The following MLLT10 variants were observed in gnomAD, a reference collection of about 807,000 sequenced individuals.
MLLT10 encodes the protein protein AF-10.
In MLLT10, 30 loss-of-function variants were observed where a neutral mutation model predicts 129.1. The observed-to-expected ratio is 0.23, with a 90% CI of 0.17 to 0.32. The LOEUF is 0.32. Among genes scored for constraint, MLLT10 ranks in the 10% least tolerant of loss-of-function variants. MLLT10 has a pLI of 1.00. For synonymous variants in MLLT10, 490 were observed against 446.4 expected (o/e 1.10, Z -1.23); for missense variants, 1,119 against 1,268.3 (o/e 0.88, Z 1.79).
chr10:21,637,909 T>C (rs2047607663), intron 8 of MLLT10, among the ~76,000 whole-genome samples: 1 of 152,194 alleles, frequency 6.6e-6, no homozygotes, highest in African/African-American at 2.4e-5. Context: ...TAGCCTTTTT[T>C]CACTGGCCTT....
intron 14 of MLLT10, among the ~76,000 whole-genome samples, chr10:21,715,332 A>T (rs2056457409): frequency 6.6e-6 from 1 of 152,226 alleles, no homozygotes; most frequent in Admixed American, 6.5e-5. Context: ...TTTGAAGATG[A>T]AAGTGAACTA....
intron 5 of MLLT10, among the ~76,000 whole-genome samples, chr10:21,604,819 T>C (rs1471755283): frequency 6.6e-6 from 1 of 152,010 alleles, no homozygotes; most frequent in Non-Finnish European, 1.5e-5. Flanking sequence ...TCTAGGTGCA[T>C]TGACACGGCC....
chr10:21,562,635 G>A (rs1588952615), intron 3 of MLLT10, among the ~76,000 whole-genome samples: 1 of 152,082 alleles, frequency 6.6e-6, no homozygotes, highest in East Asian at 1.9e-4. Flanking sequence ...ACCACACCTG[G>A]CGTGGAGATT....
chr10:21,654,869 G>T (rs187789435), intron 9 of MLLT10, among the ~76,000 whole-genome samples: 5 of 152,198 alleles, frequency 3.3e-5, no homozygotes, highest in Non-Finnish European at 5.9e-5. Flanking sequence ...ATGGTTTCTG[G>T]TGAAATTAAG....
intron 8 of MLLT10, chr10:21,624,792 C>A: frequency 1.9e-6 from 2 of 1,066,006 alleles, no homozygotes; most frequent in South Asian, 1.5e-5. Flanking sequence ...CTACATTGTC[C>A]CCTGATTGCC....
chr10:21,735,557 C>T (rs992582898), intron 21 of MLLT10, among the ~76,000 whole-genome samples: 14 of 152,064 alleles, frequency 9.2e-5, no homozygotes, highest in Non-Finnish European at 1.0e-4. Flanking sequence ...GTGATAAATA[C>T]TGAGAAGAAC....
chr10:21,597,716 C>G (rs903191411), intron 5 of MLLT10, among the ~76,000 whole-genome samples: 3 of 152,144 alleles, frequency 2.0e-5, no homozygotes, highest in Admixed American at 6.6e-5. Context: ...AGTCTTTCCC[C>G]GAGTTTCAGA....
intron 5 of MLLT10, among the ~76,000 whole-genome samples, chr10:21,611,620 A>G (rs2044663439): frequency 6.6e-6 from 1 of 152,118 alleles, no homozygotes; most frequent in African/African-American, 2.4e-5. Flanking sequence ...TTTGCAGTTC[A>G]GTCTTCTGTC....
At chr10:21,713,337 C>T (rs1479152969) in intron 13 of MLLT10, among the ~76,000 whole-genome samples, 2 of 152,220 alleles carry the variant, frequency 1.3e-5, no homozygotes, top group African/African-American at 4.8e-5. Context: ...TGTCGGCTTT[C>T]TAGAACAAGG....
At chr10:21,677,833 G>A (rs377541095) in intron 11 of MLLT10, among the ~76,000 whole-genome samples, 1 of 152,298 alleles carries the variant, frequency 6.6e-6, no homozygotes, top group South Asian at 2.1e-4. Context: ...ACCTTTGTAA[G>A]CACCTGTTGT....
chr10:21,652,313 C>T (rs770210853), intron 9 of MLLT10, among the ~76,000 whole-genome samples: 7 of 152,182 alleles, frequency 4.6e-5, no homozygotes, highest in Non-Finnish European at 1.0e-4. Context: ...ATCATTGAGA[C>T]AGAGAATTTT....
At chr10:21,741,023 C>T (rs1589947262) in intron 22 of MLLT10, among the ~76,000 whole-genome samples, 1 of 152,164 alleles carries the variant, frequency 6.6e-6, no homozygotes, top group Non-Finnish European at 1.5e-5. Context: ...TTCAAAGTTG[C>T]AGTGTTTGCT....
chr10:21,670,728 A>T lies in MLLT10; in HGVS notation c.1051+24A>T, dbSNP rs148468435. On this transcript the variant is annotated intron_variant, in intron 10 of 22. Coordinates refer to ENST00000307729, the MANE Select transcript of MLLT10 (RefSeq NM_001195626.3). ...AGGTATTAGTGATGTTTTAGTTAAA[A>T]TACTTGTGTTTAAGATGGTTAATAA... 847 of 1,594,624 alleles carry T rather than the reference A, an allele frequency of 5.3e-4. 2 individuals carry two copies. The African/African-American group carries it at 0.01, about 19-fold the overall frequency.
intron 8 of MLLT10, among the ~76,000 whole-genome samples, chr10:21,635,993 G>A (rs1304140591): frequency 2.2e-5 from 3 of 134,062 alleles, no homozygotes; most frequent in South Asian, 2.3e-4. Flanking sequence ...AGCTCTCTTC[G>A]TTTTACTCTT....
Position 21,633,315 on chromosome 10 carries a change from C to T in MLLT10, c.699+16108C>T, listed in dbSNP as rs2047170175. 3.3e-5 allele frequency among the ~76,000 whole-genome samples: 5 copies of T among 152,296 alleles called. No homozygotes were observed. In the South Asian group the frequency reaches 1.0e-3, roughly 32 times the overall value. ...TTATTAACCAACATTATTATTGTAA[C>T]ACTTATGATTTAGAATCATGATTTA... On this transcript the variant is annotated intron_variant, in intron 8 of 22. Coordinates refer to ENST00000307729, the MANE Select transcript of MLLT10 (RefSeq NM_001195626.3).
chr10:21,536,922 T>C (rs1017558919), intron 2 of MLLT10, among the ~76,000 whole-genome samples: 2 of 152,168 alleles, frequency 1.3e-5, no homozygotes, highest in Admixed American at 1.3e-4. Context: ...TAGCTGGGAT[T>C]GCAGGCATGG....
chr10:21,565,983 C>T (rs1386591673), intron 3 of MLLT10, among the ~76,000 whole-genome samples: 1 of 104,602 alleles, frequency 9.6e-6, no homozygotes, highest in Non-Finnish European at 1.7e-5. Flanking sequence ...GATGGAGTAT[C>T]TCTCTGTCAC....
intron 3 of MLLT10, among the ~76,000 whole-genome samples, chr10:21,556,311 G>A (rs2037951251): frequency 6.6e-6 from 1 of 152,174 alleles, no homozygotes; most frequent in South Asian, 2.1e-4. Context: ...TTTTGTGTGA[G>A]CAGACATTAT....
chr10:21,711,294 G>A (rs1480495239), intron 13 of MLLT10, among the ~76,000 whole-genome samples: 6 of 152,062 alleles, frequency 3.9e-5, no homozygotes, highest in Non-Finnish European at 7.4e-5. Flanking sequence ...GTGATGGCAC[G>A]TGCCTGTAAT....
Sources: allele counts gnomAD v4.1 joint callset (sites outside exome capture counted in the v4.1 genomes callset), GRCh38; gene constraint gnomAD v4.1.1; transcripts MANE v1.5; gene names NCBI Gene and HGNC (gene_info 2026-07-23, HGNC 2026-07-21).